The following CCSAP variants were observed in gnomAD, a reference collection of about 807,000 sequenced individuals.
CCSAP encodes the protein centriole, cilia and spindle-associated protein.
CCSAP carries 17 observed loss-of-function variants against 25.9 expected under a neutral mutation model. The ratio of observed to expected loss-of-function variants is 0.66; its 90% CI spans 0.45 to 0.99. The LOEUF (loss-of-function observed/expected upper bound fraction) is 0.99. Among genes scored for constraint, CCSAP ranks in the 50% least tolerant of loss-of-function variants. The probability of loss-of-function intolerance (pLI) is 0.00; values close to 1 mark genes in which losing one functional copy is unlikely to be tolerated. For synonymous variants in CCSAP, 169 were observed against 157.1 expected (o/e 1.08, Z -0.57); for missense variants, 339 against 367.8 (o/e 0.92, Z 0.64).
intron 2 of CCSAP, chr1:229,340,674 ACAT>A (rs1194523749): frequency 4.8e-6 from 2 of 416,024 alleles, no homozygotes; most frequent in African/African-American, 4.1e-5. Context: ...TTCACAAGTA[ACAT>A]CATGATGGGA....
chr1:229,326,087 G>A (rs940227619), intron 3 of CCSAP, among the ~76,000 whole-genome samples: 1 of 152,150 alleles, frequency 6.6e-6, no homozygotes, highest in South Asian at 2.1e-4. Flanking sequence ...CAGTATTAAC[G>A]CTAACATACA....
chr1:229,331,183 C>A (rs1658059020), intron 2 of CCSAP, among the ~76,000 whole-genome samples: 1 of 151,796 alleles, frequency 6.6e-6, no homozygotes, highest in African/African-American at 2.4e-5. Flanking sequence ...CTAGAAATAG[C>A]TTTTCCAACA....
chr1:229,328,749 A>C (rs1571851084), intron 2 of CCSAP, among the ~76,000 whole-genome samples: 1 of 152,248 alleles, frequency 6.6e-6, no homozygotes, highest in South Asian at 2.1e-4. Context: ...CTGCATGGGC[A>C]GTGCATGCAA....
At chr1:229,331,393 G>GT (rs1183251357) in intron 2 of CCSAP, among the ~76,000 whole-genome samples, 1 of 152,114 alleles carries the variant, frequency 6.6e-6, no homozygotes, top group Non-Finnish European at 1.5e-5. Flanking sequence ...ACTCATCACC[G>GT]TAACATTAAT....
At chr1:229,331,623 C>G (rs1220065611) in intron 2 of CCSAP, among the ~76,000 whole-genome samples, 1 of 151,944 alleles carries the variant, frequency 6.6e-6, no homozygotes, top group Non-Finnish European at 1.5e-5. Context: ...CTCTCCTGCT[C>G]TCCTTTCCCC....
intron 2 of CCSAP, 103 bp downstream of exon 2, chr1:229,341,996 A>T: frequency 8.2e-7 from 1 of 1,218,880 alleles, no homozygotes; most frequent in East Asian, 3.2e-5. Flanking sequence ...AAAAAGGAAG[A>T]GCCAGCCCCG....
In CCSAP at chr1:229,322,577, A is replaced by C. The variant is rs1420949187; in HGVS notation, c.*2658T>G. The C allele has an allele frequency of 1.3e-5, 2 of 152,230 alleles. No homozygotes were observed. Among genetic ancestry groups the C allele is most frequent in the African/African-American group, 4.8e-5 (2 of 41,456 alleles). 9.4% of individuals were successfully genotyped at this position (152,230 alleles called of 1,614,324 possible). The stretch of plus-strand genomic sequence containing the variant: ...TTAAAGATTCATTTTAAAAGTGAAT[A>C]AATGTGCTTAGAAATTTTAGGGGGG... On this transcript the variant is annotated 3_prime_UTR_variant, in exon 4 of 4. Coordinates refer to ENST00000284617, the MANE Select transcript of CCSAP (RefSeq NM_145257.5).
Position 229,321,105 on chromosome 1 carries a change from C to G in CCSAP, c.*4130G>C, listed in dbSNP as rs555892070. The G allele has an allele frequency of 6.6e-6, 1 of 152,090 alleles. No homozygotes were observed. 9.4% of individuals were successfully genotyped at this position (152,090 alleles called of 1,614,324 possible). On this transcript the variant is annotated 3_prime_UTR_variant, in exon 4 of 4. Coordinates refer to ENST00000284617, the MANE Select transcript of CCSAP (RefSeq NM_145257.5). ...ATACATAGTTCTTAGAAAATACAACCCCGAATTATTGTGTGGCCTGGGCTT... is the reference window on the plus strand; with the variant it reads ...ATACATAGTTCTTAGAAAATACAACGCCGAATTATTGTGTGGCCTGGGCTT...
Position 229,325,173 on chromosome 1 carries a change from G to T in CCSAP, c.*62C>A. The T allele has an allele frequency of 6.8e-7, 1 of 1,466,236 alleles. No individual in the cohort carries two copies. The highest frequency in any genetic ancestry group is 9.1e-7 in the Non-Finnish European group (1 of 1,094,218). The allele number at this position is 1,466,236 out of a possible 1,614,324, so 90.8% of individuals were successfully genotyped here. A position where few individuals can be genotyped will look rare whatever the true frequency, so the allele number is the denominator to read the frequency against. On this transcript the variant is annotated 3_prime_UTR_variant, in exon 4 of 4. Transcript: ENST00000284617. ...GTGTCCGTTTCTTTTGATGGTTTTT[G>T]TTTTGTTTTTCCTTTCAGTCATTTA...
Position 229,325,336 on chromosome 1 carries a change from C to T in CCSAP, c.712G>A (p.Ala238Thr), listed in dbSNP as rs150524317. Residue 238 changes from alanine (A) to threonine (T), a missense_variant, in exon 4 of 4, where the codon GCT (alanine) becomes ACT (threonine). Transcript: ENST00000284617. The stretch of plus-strand genomic sequence containing the variant: ...TTCTTCTCCACATCCACAGAGTGAG[C>T]TCGCTGCCTTTGAGCAACCAGTTTC... ...KRKLVAQRQRAHSVDVEKNRK... is the reference protein window; with the variant it reads ...KRKLVAQRQRTHSVDVEKNRK... 2 of 1,614,220 alleles carry T rather than the reference C, an allele frequency of 1.2e-6. No individual in the cohort carries two copies. Among genetic ancestry groups the T allele is most frequent in the East Asian group, 2.2e-5 (1 of 44,888 alleles).
At chr1:229,338,769 T>C (rs1658261363) in intron 2 of CCSAP, among the ~76,000 whole-genome samples, 1 of 151,856 alleles carries the variant, frequency 6.6e-6, no homozygotes, top group Non-Finnish European at 1.5e-5. Flanking sequence ...CTAATATATA[T>C]CCTCAGTAAG....
intron 2 of CCSAP, among the ~76,000 whole-genome samples, chr1:229,336,017 T>C (rs981876569): frequency 6.6e-6 from 1 of 151,804 alleles, no homozygotes; most frequent in Non-Finnish European, 1.5e-5. Flanking sequence ...GTATTAGGTA[T>C]TATAAGTAAT....
chr1:229,333,299 G>A (rs1254963398), intron 2 of CCSAP, among the ~76,000 whole-genome samples: 1 of 152,038 alleles, frequency 6.6e-6, no homozygotes, highest in East Asian at 1.9e-4. Context: ...CGGGCGTGGT[G>A]TCAGGTGCCT....
chr1:229,338,708 GAA>G (rs1418750428), intron 2 of CCSAP, among the ~76,000 whole-genome samples: 1 of 152,146 alleles, frequency 6.6e-6, no homozygotes, highest in Non-Finnish European at 1.5e-5. Flanking sequence ...AGGCAGAAGT[GAA>G]AGATTGTGCT....
intron 2 of CCSAP, chr1:229,327,646 G>T: frequency 2.2e-6 from 1 of 453,176 alleles, no homozygotes. Flanking sequence ...GAGGCGAGCG[G>T]ATCACGAGGT....
chr1:229,342,246 G>T lies in CCSAP; in HGVS notation c.220C>A (p.Pro74Thr). The change falls in exon 2 of 4, where the codon CCC becomes ACC. Residue 74 changes from proline (P) to threonine (T), a missense_variant. By Grantham distance (38) the Pro-to-Thr change is conservative (BLOSUM62 -1). Coordinates refer to ENST00000284617, the MANE Select transcript of CCSAP (RefSeq NM_145257.5). This position sits in a 1 kb window ranked among gnomAD's most constrained non-coding sequence, Gnocchi z 7.5. ...GGGGGCGAGGGCGGGGCGCACCGGG[G>T]TGCGGGGCCCCCGGCGCCCGACGAC... is the stretch of plus-strand genomic sequence containing the variant. ...SESSGAGGPAPRCAPPSPPPP... is the reference protein window; with the variant it reads ...SESSGAGGPATRCAPPSPPPP... 1 of 1,273,794 alleles carries T rather than the reference G, an allele frequency of 7.9e-7. No individual in the cohort carries two copies. Among genetic ancestry groups the T allele is most frequent in the Non-Finnish European group, 9.9e-7 (1 of 1,013,308 alleles). The allele number at this position is 1,273,794 out of a possible 1,614,324, so 78.9% of individuals were successfully genotyped here. A position where few individuals can be genotyped will look rare whatever the true frequency, so the allele number is the denominator to read the frequency against.
chr1:229,331,492 C>CT (rs1455492466), intron 2 of CCSAP, among the ~76,000 whole-genome samples: 16 of 152,168 alleles, frequency 1.1e-4, no homozygotes, highest in Admixed American at 5.2e-4. Context: ...ATGTGTGTGT[C>CT]TCTGTGTGTG....
rs1274010370 is a variant in CCSAP at position 229,342,675 on chromosome 1, A to C, written c.-48-162T>G. Among the ~76,000 whole-genome samples the C allele has an allele frequency of 2.6e-5, 4 of 151,810 alleles. 1 individual carries two copies. The highest frequency in any genetic ancestry group is 9.7e-5 in the African/African-American group (4 of 41,348). ...GGGGCGGCCTCACCCGGCGGCCGGG[A>C]CCAAGAGCAGAGGCGGGGACCGGGG... On this transcript the variant is annotated intron_variant, in intron 1 of 3. Coordinates refer to ENST00000284617, the MANE Select transcript of CCSAP (RefSeq NM_145257.5). This position sits in a 1 kb window ranked among gnomAD's most constrained non-coding sequence, Gnocchi z 7.5.
At chr1:229,328,398 T>C (rs1467010542) in intron 2 of CCSAP, among the ~76,000 whole-genome samples, 1 of 152,166 alleles carries the variant, frequency 6.6e-6, no homozygotes, top group Non-Finnish European at 1.5e-5. Flanking sequence ...CCTCCTGGGC[T>C]CAAGTGATCC....
Sources: gnomAD v4.1 joint callset for allele counts (sites outside exome capture counted in the v4.1 genomes callset) on GRCh38, gnomAD v4.1.1 for gene constraint, Gnocchi (gnomAD v3.1) non-coding constraint, MANE v1.5 for transcripts, NCBI Gene and HGNC (gene_info 2026-07-23, HGNC 2026-07-21) for gene names.